RANBP2: variants seen among roughly 807,000 people sequenced by gnomAD.
RANBP2 encodes the protein E3 SUMO-protein ligase RanBP2.
In RANBP2, 57 loss-of-function variants were observed where a neutral mutation model predicts 303.6. The ratio of observed to expected loss-of-function variants is 0.19; its 90% CI spans 0.15 to 0.23. The LOEUF (loss-of-function observed/expected upper bound fraction) is 0.23, where lower values mean the gene tolerates loss of function less well. RANBP2 is among the 10% of genes least tolerant of loss of function. The pLI, the probability that RANBP2 is intolerant of heterozygous loss-of-function variation, is 1.00. For synonymous variants in RANBP2, 1,167 were observed against 1,301.5 expected, an observed-to-expected ratio of 0.90 and a Z score of 2.23; for missense variants, 3,138 against 3,780.8, an observed-to-expected ratio of 0.83 and a Z score of 4.46.
At chr2:109,563,372 CTTTT>C in the RANBP2 span, among the ~76,000 whole-genome samples, 11 of 152,336 alleles carry the variant, frequency 7.2e-5, no homozygotes, top group East Asian at 1.7e-3. Context: ...CTCCCCCTTT[CTTTT>C]GTTTACTCTG....
chr2:108,782,264 A>C lies in RANBP2; in HGVS notation c.8897A>C (p.Lys2966Thr). The C allele has an allele frequency of 6.2e-7, 1 of 1,614,184 alleles. No homozygotes were observed. Among genetic ancestry groups the C allele is most frequent in the Non-Finnish European group, 8.5e-7 (1 of 1,180,030 alleles). The change falls in exon 27 of 29, where the codon AAG becomes ACG. Residue 2966 changes from lysine (K) to threonine (T), a missense_variant. Coordinates refer to ENST00000283195, the MANE Select transcript of RANBP2 (RefSeq NM_006267.5). ...ATAAAGATTCTTTGGCATACAATGA[A>C]GAATTATTACCGGATCCTAATGAGA... Reference protein sequence around the residue: ...GDIKILWHTMKNYYRILMRRD... With the variant: ...GDIKILWHTMTNYYRILMRRD...
chr2:109,377,973 C>T, the RANBP2 span, among the ~76,000 whole-genome samples: 2 of 152,260 alleles, frequency 1.3e-5, no homozygotes, highest in Non-Finnish European at 2.9e-5. Flanking sequence ...GCACACTCCG[C>T]GTTCTGCACT....
the RANBP2 span, among the ~76,000 whole-genome samples, chr2:109,378,575 G>A: frequency 3.3e-5 from 5 of 152,156 alleles, no homozygotes; most frequent in Non-Finnish European, 5.9e-5. Flanking sequence ...TTGAGGTATT[G>A]GACATCTTGG....
chr2:109,088,634 C>G, the RANBP2 span, among the ~76,000 whole-genome samples: 1 of 152,098 alleles, frequency 6.6e-6, no homozygotes, highest in East Asian at 2.0e-4. Flanking sequence ...GCCTCAGCCT[C>G]CCAAGTAGCT....
At chr2:109,297,691 C>A in the RANBP2 span, among the ~76,000 whole-genome samples, 1 of 150,794 alleles carries the variant, frequency 6.6e-6, no homozygotes, top group Non-Finnish European at 1.5e-5. Flanking sequence ...TGGGCCAATG[C>A]CCCCCATTCT....
chr2:108,858,176 T>C, the RANBP2 span, among the ~76,000 whole-genome samples: 1 of 152,178 alleles, frequency 6.6e-6, no homozygotes, highest in South Asian at 2.1e-4. Flanking sequence ...AAACCCCGTC[T>C]GTACTAAAAA....
At chr2:109,307,580 C>T in the RANBP2 span, among the ~76,000 whole-genome samples, 2 of 120,280 alleles carry the variant, frequency 1.7e-5, no homozygotes, top group African/African-American at 3.3e-5. Context: ...CCCCTCCCCC[C>T]ACCCCACCAC....
the RANBP2 span, among the ~76,000 whole-genome samples, chr2:109,170,816 CATAGTTT>C: frequency 6.6e-6 from 1 of 152,206 alleles, no homozygotes; most frequent in Admixed American, 6.5e-5. Context: ...GTGCACAGGG[CATAGTTT>C]ACCTGTGAAC....
chr2:109,206,490 CAAAAAAAAAAAA>C, the RANBP2 span, among the ~76,000 whole-genome samples: 5 of 40,756 alleles, frequency 1.2e-4, no homozygotes, highest in African/African-American at 2.0e-4. Flanking sequence ...GACTCCGTCT[CAAAAAAAAAAAA>C]AAAAAAAAAA....
the RANBP2 span, among the ~76,000 whole-genome samples, chr2:109,497,388 A>G: frequency 6.6e-6 from 1 of 152,228 alleles, no homozygotes; most frequent in African/African-American, 2.4e-5. Context: ...ACGACCCCCA[A>G]GGAAAGCAGA....
chr2:109,386,362 A>G, the RANBP2 span, among the ~76,000 whole-genome samples: 1 of 152,200 alleles, frequency 6.6e-6, no homozygotes, highest in African/African-American at 2.4e-5. Context: ...CAGGCCGTAC[A>G]TGAAGCCAAA....
chr2:109,324,248 C>T, the RANBP2 span, among the ~76,000 whole-genome samples: 7 of 152,218 alleles, frequency 4.6e-5, no homozygotes, highest in African/African-American at 1.7e-4. Flanking sequence ...TTTTCACCAT[C>T]ACAGGTAGTG....
chr2:109,409,696 C>T, the RANBP2 span, among the ~76,000 whole-genome samples: 1 of 152,054 alleles, frequency 6.6e-6, no homozygotes, highest in South Asian at 2.1e-4. Context: ...ACTGCCCTCC[C>T]CGAGAGGGAG....
At chr2:109,018,241 C>G in the RANBP2 span, among the ~76,000 whole-genome samples, 1 of 152,180 alleles carries the variant, frequency 6.6e-6, no homozygotes, top group South Asian at 2.1e-4. Context: ...GAGAAGGTAA[C>G]TTTCACTGGC....
At chr2:108,836,711 A>T in the RANBP2 span, among the ~76,000 whole-genome samples, 1 of 152,024 alleles carries the variant, frequency 6.6e-6, no homozygotes, top group Non-Finnish European at 1.5e-5. Context: ...ATTTCATTCT[A>T]TTTATTTGTG....
chr2:109,231,892 A>C, the RANBP2 span, among the ~76,000 whole-genome samples: 1 of 152,220 alleles, frequency 6.6e-6, no homozygotes, highest in Non-Finnish European at 1.5e-5. Flanking sequence ...ATGCCATGTA[A>C]TTTGCCCTTT....
chr2:109,536,505 G>A, the RANBP2 span, among the ~76,000 whole-genome samples: 7 of 152,158 alleles, frequency 4.6e-5, no homozygotes, highest in South Asian at 2.1e-4. Context: ...CTGTACCCCC[G>A]CTATATCTAG....
At chr2:109,070,840 A>G in the RANBP2 span, among the ~76,000 whole-genome samples, 6 of 144,530 alleles carry the variant, frequency 4.2e-5, no homozygotes, top group Non-Finnish European at 9.0e-5. Context: ...AGCCTGGGCA[A>G]CAAAGCCAGA....
chr2:109,695,192 A>G, the RANBP2 span, among the ~76,000 whole-genome samples: 1 of 151,702 alleles, frequency 6.6e-6, no homozygotes, highest in African/African-American at 2.4e-5. Context: ...CTTTTTGCTT[A>G]AGGGAATTCT....
Sources: allele counts gnomAD v4.1 joint callset (sites outside exome capture counted in the v4.1 genomes callset), GRCh38; gene constraint gnomAD v4.1.1; transcripts MANE v1.5; gene names NCBI Gene and HGNC (gene_info 2026-07-23, HGNC 2026-07-21).